Variants in KAZN observed in about 807,000 individuals in gnomAD.
KAZN encodes the protein kazrin, periplakin interacting protein.
KAZN carries 40 observed loss-of-function variants against 87.4 expected under a neutral mutation model. That is an observed-to-expected ratio of 0.46 (90% CI 0.36 to 0.60). The LOEUF (loss-of-function observed/expected upper bound fraction) is 0.60, where lower values mean the gene tolerates loss of function less well. Among genes scored for constraint, KAZN ranks in the 20% least tolerant of loss-of-function variants. KAZN has a pLI of 0.00. For missense variants in KAZN, 898 were observed against 1,073.9 expected, an observed-to-expected ratio of 0.84 and a Z score of 2.29; for synonymous variants, 466 against 458.3, an observed-to-expected ratio of 1.02 and a Z score of -0.22.
chr1:14,013,582 A>G (rs114587286), intron 1 of KAZN, among the ~76,000 whole-genome samples: 1,545 of 152,322 alleles, frequency 0.01, 15 homozygotes, highest in Non-Finnish European at 0.017. Flanking sequence ...TTCGTGCTGT[A>G]TCTCAGAGAA....
At chr1:14,025,446 T>C (rs769308935) in intron 1 of KAZN, among the ~76,000 whole-genome samples, 23 of 152,242 alleles carry the variant, frequency 1.5e-4, no homozygotes, top group Non-Finnish European at 2.8e-4. Flanking sequence ...GGACCATGTC[T>C]TAACCCTAAG....
At chr1:14,266,239 G>T (rs28581603) in intron 2 of KAZN, among the ~76,000 whole-genome samples, 3,955 of 152,296 alleles carry the variant, frequency 0.026, 168 homozygotes, top group African/African-American at 0.09. Flanking sequence ...CATCAGCATT[G>T]CTGTCATTGC....
intron 2 of KAZN, among the ~76,000 whole-genome samples, chr1:15,016,624 ATG>A (rs1029918669): frequency 1.3e-5 from 2 of 152,104 alleles, no homozygotes; most frequent in African/African-American, 4.8e-5. Flanking sequence ...GATTGTGGCA[ATG>A]TGTTACGGAA....
intron 1 of KAZN, among the ~76,000 whole-genome samples, chr1:13,924,508 G>C (rs1640194267): frequency 6.6e-6 from 1 of 152,102 alleles, no homozygotes; most frequent in Non-Finnish European, 1.5e-5. Context: ...CTAATCTAAA[G>C]GGAAAAGTCA....
chr1:14,265,622 C>G (rs1651415255), intron 2 of KAZN, among the ~76,000 whole-genome samples: 1 of 152,158 alleles, frequency 6.6e-6, no homozygotes, highest in African/African-American at 2.4e-5. Flanking sequence ...TCACCCTAGT[C>G]CCTGCCAAGG....
At position 15,065,868 on chromosome 1, in the gene KAZN, G is replaced by A. The variant is rs1639187955; in HGVS notation, c.1222+115G>A. 108 of 1,536,694 alleles carry A rather than the reference G, an allele frequency of 7.0e-5. 1 individual carries two copies. In the South Asian group the frequency reaches 1.3e-3, roughly 19 times the overall value. ...TGGGCGTGTGTGCAAGCGAGCGTGGGTGCGCGTGTGGCCGTGCGTGGGGTG... is the reference window on the plus strand; with the variant it reads ...TGGGCGTGTGTGCAAGCGAGCGTGGATGCGCGTGTGGCCGTGCGTGGGGTG... On this transcript the variant is annotated intron_variant, in intron 8 of 14. Coordinates refer to ENST00000376030, the MANE Select transcript of KAZN (RefSeq NM_201628.3).
chr1:14,287,853 C>T (rs1653374689), intron 2 of KAZN, among the ~76,000 whole-genome samples: 1 of 152,116 alleles, frequency 6.6e-6, no homozygotes, highest in South Asian at 2.1e-4. Flanking sequence ...AGATATGTTC[C>T]ACAAAACTTA....
intron 1 of KAZN, among the ~76,000 whole-genome samples, chr1:14,924,727 A>G (rs1658970266): frequency 6.6e-6 from 1 of 152,004 alleles, no homozygotes; most frequent in Non-Finnish European, 1.5e-5. Context: ...GGGCGGGTGC[A>G]GCGGGAGGCG....
chr1:14,229,243 T>C (rs1647577135), intron 2 of KAZN, among the ~76,000 whole-genome samples: 1 of 152,192 alleles, frequency 6.6e-6, no homozygotes, highest in African/African-American at 2.4e-5. Flanking sequence ...TTAGCTCTCT[T>C]AAAAAACAAA....
At chr1:14,587,525 G>T (rs1675930361) in intron 2 of KAZN, among the ~76,000 whole-genome samples, 1 of 152,022 alleles carries the variant, frequency 6.6e-6, no homozygotes, top group Non-Finnish European at 1.5e-5. Flanking sequence ...TTCTGGTGAG[G>T]CCTCAGGAAG....
At chr1:14,063,916 C>T (rs1290682041) in intron 1 of KAZN, among the ~76,000 whole-genome samples, 1 of 151,904 alleles carries the variant, frequency 6.6e-6, no homozygotes, top group Non-Finnish European at 1.5e-5. Context: ...TGAGGCCTCC[C>T]CAGCCATGTG....
chr1:13,969,855 T>C (rs528387377), intron 1 of KAZN, among the ~76,000 whole-genome samples: 46 of 152,194 alleles, frequency 3.0e-4, no homozygotes, highest in Non-Finnish European at 5.4e-4. Flanking sequence ...CATTGTCTTT[T>C]GAATTCAACT....
chr1:14,333,725 G>T (rs1351998134), intron 2 of KAZN, among the ~76,000 whole-genome samples: 1 of 152,164 alleles, frequency 6.6e-6, no homozygotes, highest in Non-Finnish European at 1.5e-5. Context: ...AGGGGCTGGT[G>T]GGGGGTGTCG....
chr1:14,362,046 C>T (rs545857039), intron 2 of KAZN, among the ~76,000 whole-genome samples: 37 of 152,264 alleles, frequency 2.4e-4, no homozygotes, highest in Non-Finnish European at 2.9e-5. Context: ...GCCCAAAAGC[C>T]AGTGTATTAG....
intron 1 of KAZN, among the ~76,000 whole-genome samples, chr1:14,707,313 G>A (rs1295773061): frequency 6.6e-6 from 1 of 152,274 alleles, no homozygotes; most frequent in East Asian, 1.9e-4. Context: ...GAGGATAAAG[G>A]CAATAACAGA....
intron 1 of KAZN, among the ~76,000 whole-genome samples, chr1:14,011,320 C>A (rs569978395): frequency 6.6e-6 from 1 of 152,338 alleles, no homozygotes; most frequent in East Asian, 1.9e-4. Context: ...TCTTTCTGTT[C>A]TTCCACTGTG....
At chr1:14,580,384 A>G (rs1675467799) in intron 2 of KAZN, among the ~76,000 whole-genome samples, 1 of 152,162 alleles carries the variant, frequency 6.6e-6, no homozygotes. Flanking sequence ...CTGAGGCAGG[A>G]GAATTGCTTG....
At chr1:14,424,067 G>A (rs1363184932) in intron 2 of KAZN, among the ~76,000 whole-genome samples, 1 of 152,176 alleles carries the variant, frequency 6.6e-6, no homozygotes, top group African/African-American at 2.4e-5. Context: ...CCACTTGCTT[G>A]TACTAGTTCC....
intron 2 of KAZN, among the ~76,000 whole-genome samples, chr1:14,554,911 T>G (rs140394536): frequency 6.6e-6 from 1 of 152,340 alleles, no homozygotes; most frequent in South Asian, 2.1e-4. Context: ...CATTGCTTCT[T>G]CAAAACACAT....
Sources: gnomAD v4.1 joint callset for allele counts (sites outside exome capture counted in the v4.1 genomes callset) on GRCh38, gnomAD v4.1.1 for gene constraint, MANE v1.5 for transcripts, NCBI Gene and HGNC (gene_info 2026-07-23, HGNC 2026-07-21) for gene names.